EZH2: variants seen among roughly 807,000 people sequenced by gnomAD.
The protein encoded by EZH2 is histone-lysine N-methyltransferase EZH2.
Under a neutral mutation model 98.4 loss-of-function variants are expected in EZH2, and 18 were observed. The ratio of observed to expected loss-of-function variants is 0.18; its 90% confidence interval spans 0.13 to 0.27. The LOEUF (loss-of-function observed/expected upper bound fraction) is 0.27. EZH2 is among the 10% of genes least tolerant of loss of function. EZH2 has a pLI of 1.00. For synonymous variants in EZH2, 338 were observed against 312.3 expected (o/e 1.08, Z -0.87); for missense variants, 470 against 935.1 (o/e 0.50, Z 6.49).
intron 3 of EZH2, among the ~76,000 whole-genome samples, chr7:148,838,063 C>CCT (rs774084108): frequency 2.0e-5 from 2 of 100,512 alleles, no homozygotes. Context: ...GTTTAGACTC[C>CCT]TTTTTTTTTT....
intron 8 of EZH2, among the ~76,000 whole-genome samples, chr7:148,823,389 T>C (rs924817586): frequency 1.3e-5 from 2 of 152,236 alleles, no homozygotes; most frequent in African/African-American, 4.8e-5. Flanking sequence ...GCACAGGCTA[T>C]GCAGCTATAC....
At chr7:148,850,762 G>A (rs1354227009) in intron 1 of EZH2, among the ~76,000 whole-genome samples, 3 of 152,112 alleles carry the variant, frequency 2.0e-5, no homozygotes, top group South Asian at 4.2e-4. Flanking sequence ...ACCGCCCCCC[G>A]CCAACCCCAC....
intron 3 of EZH2, among the ~76,000 whole-genome samples, chr7:148,837,305 G>A (rs1366315429): frequency 6.6e-6 from 1 of 152,186 alleles, no homozygotes; most frequent in Non-Finnish European, 1.5e-5. Flanking sequence ...ATAGTAAACT[G>A]TTGACATTGT....
At position 148,826,602 on chromosome 7, in the gene EZH2, T is replaced by A. The variant is rs749276160; in HGVS notation, c.759A>T (p.Pro253=). ...GGGTACATTCAGGAGGAAGTGCGCC[T>A]GGGAGCTGCTGTTCGGTGAGTTCTT... ...KYKELTEQQL[P]GALPPECTPN... The change falls in exon 8 of 20, where the codon CCA becomes CCT. Residue 253 remains proline, a synonymous_variant. Transcript: ENST00000320356. 4 of 1,554,508 alleles carry A rather than the reference T, an allele frequency of 2.6e-6. No individual in the cohort carries two copies. Among genetic ancestry groups the A allele is most frequent in the Non-Finnish European group, 1.7e-6 (2 of 1,147,386 alleles).
intron 9 of EZH2, chr7:148,819,102 G>A (rs746034704): frequency 2.4e-5 from 11 of 455,246 alleles, no homozygotes; most frequent in South Asian, 7.8e-5. Context: ...GAGAGTACCC[G>A]TAAAAACAAC....
At position 148,829,709 on chromosome 7, in the gene EZH2, G is replaced by C. The variant is rs1279480061; in HGVS notation, c.484+19C>G. The C allele has an allele frequency of 8.1e-6, 13 of 1,601,042 alleles. No individual in the cohort carries two copies. Among genetic ancestry groups the C allele is most frequent in the Non-Finnish European group, 1.1e-5 (13 of 1,176,602 alleles). On this transcript the variant is annotated intron_variant, in intron 5 of 19. Transcript: ENST00000320356. ...AATTCTTTAGCCCCTTTTTCCAAGA[G>C]AAGAAGCATATGGCTCACCTCTATC...
At chr7:148,819,302 T>C (rs1805371273) in intron 9 of EZH2, among the ~76,000 whole-genome samples, 1 of 152,234 alleles carries the variant, frequency 6.6e-6, no homozygotes, top group Non-Finnish European at 1.5e-5. Flanking sequence ...GGACTATCTG[T>C]GCCTTGCAAC....
intron 1 of EZH2, among the ~76,000 whole-genome samples, chr7:148,867,223 G>A (rs1818679484): frequency 6.6e-6 from 1 of 152,038 alleles, no homozygotes; most frequent in African/African-American, 2.4e-5. Context: ...CTACTCGGGA[G>A]GCTGAGGCAG....
intron 8 of EZH2, among the ~76,000 whole-genome samples, chr7:148,822,429 G>C (rs1228948255): frequency 6.6e-6 from 1 of 151,264 alleles, no homozygotes; most frequent in Non-Finnish European, 1.5e-5. Flanking sequence ...AGAATCCCTT[G>C]AACCCAGGAG....
At chr7:148,847,137 C>A in intron 2 of EZH2, 45 bp downstream of exon 2, 2 of 1,561,018 alleles carry the variant, frequency 1.3e-6, no homozygotes, top group East Asian at 2.3e-5. Flanking sequence ...GGGAAAAAAC[C>A]TATCCTTAAT....
Position 148,826,625 on chromosome 7 carries a change from C to A in EZH2, c.736G>T (p.Glu246Ter). The change falls in exon 8 of 20, where the codon GAA (glutamate) becomes TAA (stop). Residue 246 changes from glutamate to a stop codon, truncating the protein, a stop_gained. Coordinates refer to ENST00000320356, the MANE Select transcript of EZH2 (RefSeq NM_004456.5). LOFTEE classifies it high-confidence loss of function. ...TAEELKEKYK[E>*]LTEQQLPGAL... ...CCTGGGAGCTGCTGTTCGGTGAGTTCTTTATATCTGACATTAACCAAGAAA... is the reference window on the plus strand; with the variant it reads ...CCTGGGAGCTGCTGTTCGGTGAGTTATTTATATCTGACATTAACCAAGAAA... The A allele has an allele frequency of 6.7e-7, 1 of 1,490,580 alleles. No homozygotes were observed. Among genetic ancestry groups the A allele is most frequent in the Non-Finnish European group, 9.0e-7 (1 of 1,115,282 alleles). 92.3% of individuals were successfully genotyped at this position (1,490,580 alleles called of 1,614,324 possible). A position where few individuals can be genotyped will look rare whatever the true frequency, so the allele number is the denominator to read the frequency against.
chr7:148,873,563 T>TA (rs1395712701), intron 1 of EZH2, among the ~76,000 whole-genome samples: 1 of 127,216 alleles, frequency 7.9e-6, no homozygotes, highest in East Asian at 2.2e-4. Context: ...CTTCATTTTT[T>TA]TTTTTTTTTT....
chr7:148,810,311 G>A, intron 17 of EZH2, 22 bp downstream of exon 17: 1 of 1,575,564 alleles, frequency 6.3e-7, no homozygotes, highest in Non-Finnish European at 8.7e-7. Context: ...GGAACTCACT[G>A]CCTCCCAGCT....
At chr7:148,854,733 A>T (rs1324559263) in intron 1 of EZH2, among the ~76,000 whole-genome samples, 1 of 152,214 alleles carries the variant, frequency 6.6e-6, no homozygotes, top group Non-Finnish European at 1.5e-5. Flanking sequence ...AAAAATTGCC[A>T]ATTTTGATAA....
chr7:148,859,504 A>AC (rs1254244938), intron 1 of EZH2, among the ~76,000 whole-genome samples: 9 of 119,502 alleles, frequency 7.5e-5, no homozygotes, highest in South Asian at 2.8e-4. Context: ...CTCTGTCTCA[A>AC]AAACAACAAC....
intron 3 of EZH2, among the ~76,000 whole-genome samples, chr7:148,841,542 A>G (rs1812439842): frequency 6.6e-6 from 1 of 152,186 alleles, no homozygotes; most frequent in South Asian, 2.1e-4. Context: ...AAGACATGAG[A>G]AAAGTGACCA....
At chr7:148,819,112 C>G in intron 9 of EZH2, 2 of 455,018 alleles carry the variant, frequency 4.4e-6, no homozygotes, top group East Asian at 7.0e-5. Context: ...GTAAAAACAA[C>G]TTTTCTACCT....
chr7:148,819,159 TA>T (rs879469805), intron 9 of EZH2: 30,611 of 302,106 alleles, frequency 0.1, no homozygotes, highest in South Asian at 0.17. Context: ...CTCCATCATT[TA>T]AAAAAAAAAA....
chr7:148,851,367 T>C (rs1400073016), intron 1 of EZH2, among the ~76,000 whole-genome samples: 4 of 152,120 alleles, frequency 2.6e-5, no homozygotes, highest in Admixed American at 6.6e-5. Flanking sequence ...AAAGACCTTA[T>C]CCATAAAACC....
Sources: allele counts gnomAD v4.1 joint callset (sites outside exome capture counted in the v4.1 genomes callset), GRCh38; gene constraint gnomAD v4.1.1; transcripts MANE v1.5; gene names NCBI Gene and HGNC (gene_info 2026-07-23, HGNC 2026-07-21).